MED26: variants seen among roughly 807,000 people sequenced by gnomAD.
MED26 encodes mediator complex subunit 26.
In MED26, 7 loss-of-function variants were observed where a neutral mutation model predicts 43.7. That is an observed-to-expected ratio of 0.16 (90% CI 0.09 to 0.30). The LOEUF is 0.30. Ranked by LOEUF, MED26 falls within the 10% of genes least tolerant of loss-of-function variation. The pLI is 1.00. For synonymous variants in MED26, 375 were observed against 371.1 expected (o/e 1.01, Z -0.12); for missense variants, 784 against 840.6 (o/e 0.93, Z 0.83).
At chr19:16,604,753 GCA>G (rs1279456966) in intron 1 of MED26, among the ~76,000 whole-genome samples, 2 of 152,324 alleles carry the variant, frequency 1.3e-5, no homozygotes, top group South Asian at 2.1e-4. Flanking sequence ...TTGATAAGAT[GCA>G]CAGTCACCCT....
rs911083953 is a variant in MED26, at chr19:16,576,892, G to A, written c.938C>T (p.Pro313Leu). 1.1e-5 allele frequency: 18 copies of A among 1,606,980 alleles called. No individual in the cohort carries two copies. Among genetic ancestry groups the A allele is most frequent in the African/African-American group, 2.7e-5 (2 of 74,848 alleles). ...RPQALDATQV[P>L]SPLPLAQPST... is the part of the protein sequence containing the mutation. ...CGGCTGTGCCAGTGGAAGCGGTGACGGCACCTGTGTGGCATCGAGTGCCTG... is the reference window on the plus strand; with the variant it reads ...CGGCTGTGCCAGTGGAAGCGGTGACAGCACCTGTGTGGCATCGAGTGCCTG... Residue 313 changes from proline to leucine, a missense_variant, in exon 3 of 3, where the codon CCG becomes CTG. Transcript: ENST00000263390. The surrounding 1 kb of genome is among the most constrained non-coding windows in gnomAD (Gnocchi z 6.8).
Position 16,577,410 on chromosome 19 carries a change from C to T in MED26, c.420G>A (p.Arg140=), listed in dbSNP as rs765918261. Reference sequence around the variant, plus strand: ...GCTTGCGGCTGCCCAGCCTGTCCAGCCGCTGCCCGGGCAGCCTCTGGAGGT... The same window carrying T: ...GCTTGCGGCTGCCCAGCCTGTCCAGTCGCTGCCCGGGCAGCCTCTGGAGGT... ...RNDLQRLPGQ[R]LDRLGSRKRR... is the part of the protein sequence containing the mutation. Residue 140 remains arginine, a synonymous_variant, in exon 3 of 3, where the codon CGG becomes CGA. Coordinates refer to ENST00000263390, the MANE Select transcript of MED26 (RefSeq NM_004831.5). The surrounding 1 kb of genome is among the most constrained non-coding windows in gnomAD (Gnocchi z 8.1). The T allele has an allele frequency of 1.2e-6, 2 of 1,603,028 alleles. No individual in the cohort carries two copies. Among genetic ancestry groups the T allele is most frequent in the South Asian group, 1.1e-5 (1 of 90,776 alleles).
chr19:16,605,629 T>G (rs73516936), intron 1 of MED26, among the ~76,000 whole-genome samples: 2 of 152,276 alleles, frequency 1.3e-5, no homozygotes, highest in African/African-American at 4.8e-5. Flanking sequence ...AGGAGCAGTG[T>G]TTCTGCACTG....
At chr19:16,605,077 GA>G (rs1468221755) in intron 1 of MED26, among the ~76,000 whole-genome samples, 2 of 152,152 alleles carry the variant, frequency 1.3e-5, no homozygotes, top group African/African-American at 4.8e-5. Flanking sequence ...TTAAGTTACG[GA>G]AATATTCTAC....
At chr19:16,581,852 A>C (rs1301259112) in intron 1 of MED26, among the ~76,000 whole-genome samples, 1 of 152,208 alleles carries the variant, frequency 6.6e-6, no homozygotes, top group African/African-American at 2.4e-5. Context: ...TAGGAGCCCC[A>C]AGGGAAATGC....
At chr19:16,579,975 C>T (rs1191445258) in intron 1 of MED26, among the ~76,000 whole-genome samples, 1 of 152,202 alleles carries the variant, frequency 6.6e-6, no homozygotes, top group African/African-American at 2.4e-5. Context: ...CCATCCCTTC[C>T]AGAGTGGGGA....
intron 1 of MED26, among the ~76,000 whole-genome samples, chr19:16,602,247 TCTC>T (rs2086153399): frequency 6.6e-6 from 1 of 152,180 alleles, no homozygotes; most frequent in Non-Finnish European, 1.5e-5. Context: ...ACACACAGCT[TCTC>T]CTCAAAGACA....
rs139120566 is a variant in MED26, at chr19:16,618,685, T to C, written c.72+9187A>G. 3.3e-5 allele frequency among the ~76,000 whole-genome samples: 5 copies of C among 152,338 alleles called. No individual in the cohort carries two copies. In the East Asian group the frequency reaches 5.8e-4, roughly 18 times the overall value. On this transcript the variant is annotated intron_variant, in intron 1 of 2. Transcript: ENST00000263390. ...GACATCAGTGCACATCCATGGACAC[T>C]GGATCCACTATTCTTCTCCCGTTAA...
chr19:16,591,762 C>T (rs1402901700), intron 1 of MED26, among the ~76,000 whole-genome samples: 3 of 152,242 alleles, frequency 2.0e-5, no homozygotes, highest in Admixed American at 6.5e-5. Context: ...ATCCATCCTC[C>T]TGACCTGAAA....
At chr19:16,592,244 C>T (rs1287327081) in intron 1 of MED26, among the ~76,000 whole-genome samples, 3 of 152,204 alleles carry the variant, frequency 2.0e-5, no homozygotes, top group African/African-American at 2.4e-5. Context: ...ACTGTAAACC[C>T]TGAGGGGGTG....
chr19:16,606,421 G>A (rs142273032), intron 1 of MED26, among the ~76,000 whole-genome samples: 4 of 152,206 alleles, frequency 2.6e-5, no homozygotes, highest in South Asian at 2.1e-4. Flanking sequence ...GTGTGGTGGC[G>A]CATGCCTGTA....
At chr19:16,598,576 G>C (rs1485113334) in intron 1 of MED26, among the ~76,000 whole-genome samples, 1 of 152,060 alleles carries the variant, frequency 6.6e-6, no homozygotes, top group African/African-American at 2.4e-5. Context: ...TTCCCTCCCA[G>C]CAACACAGCA....
At chr19:16,597,485 G>A in intron 1 of MED26, 1 of 398,614 alleles carries the variant, frequency 2.5e-6, no homozygotes, top group Non-Finnish European at 4.4e-6. Context: ...TTAGACAACA[G>A]AAACAACACA....
chr19:16,577,551 C>T lies in MED26; in HGVS notation c.279G>A (p.Ala93=), dbSNP rs202000537. 2.0e-4 allele frequency: 325 copies of T among 1,608,396 alleles called. 1 individual carries two copies. The East Asian group carries it at 6.5e-3, about 32-fold the overall frequency. The change falls in exon 3 of 3, where the codon GCG becomes GCA. Residue 93 remains alanine, a synonymous_variant. Transcript: ENST00000263390. The surrounding 1 kb of genome is among the most constrained non-coding windows in gnomAD (Gnocchi z 8.1). ...LIEPAHQHEA[A]LRGLAGATGS... is the part of the protein sequence containing the mutation. Reference sequence around the variant, plus strand: ...CGGTGGCCCCCGCCAGCCCCCGCAGCGCCGCCTCATGCTGGTGTGCCGGCT... The same window carrying T: ...CGGTGGCCCCCGCCAGCCCCCGCAGTGCCGCCTCATGCTGGTGTGCCGGCT...
chr19:16,586,315 T>C lies in MED26; in HGVS notation c.73-7906A>G, dbSNP rs528789231. On this transcript the variant is annotated intron_variant, in intron 1 of 2. Transcript: ENST00000263390. The surrounding 1 kb of genome is among the most constrained non-coding windows in gnomAD (Gnocchi z 5.1). ...CCAGGAAGGTAATGGAGGTCCCGGG[T>C]AGACCACACAGCTAGAAGATGGTGA... is the stretch of plus-strand genomic sequence containing the variant. Among the ~76,000 whole-genome samples the C allele has an allele frequency of 2.5e-4, 38 of 152,288 alleles. No homozygotes were observed. The highest frequency in any genetic ancestry group is 5.0e-4 in the Non-Finnish European group (34 of 68,004).
chr19:16,617,156 C>T (rs940362127), intron 1 of MED26, among the ~76,000 whole-genome samples: 1 of 152,172 alleles, frequency 6.6e-6, no homozygotes, highest in African/African-American at 2.4e-5. Flanking sequence ...GTTGGGCTGA[C>T]AGCGTGTCCA....
At chr19:16,582,957 G>A (rs1185144437) in intron 1 of MED26, among the ~76,000 whole-genome samples, 1 of 152,196 alleles carries the variant, frequency 6.6e-6, no homozygotes, top group African/African-American at 2.4e-5. Context: ...ATCCCCCTTA[G>A]CGACTGCCCC....
At chr19:16,591,504 G>A (rs1448932491) in intron 1 of MED26, among the ~76,000 whole-genome samples, 1 of 152,174 alleles carries the variant, frequency 6.6e-6, no homozygotes, top group Admixed American at 6.5e-5. Context: ...AGCTGAAGCT[G>A]GGTCACAGTG....
chr19:16,593,099 A>G (rs73516920), intron 1 of MED26, among the ~76,000 whole-genome samples: 5,609 of 152,312 alleles, frequency 0.037, 238 homozygotes, highest in Admixed American at 0.088. Flanking sequence ...ACCAGCCCAC[A>G]GCCTGCAAGG....
Sources: allele counts gnomAD v4.1 joint callset (sites outside exome capture counted in the v4.1 genomes callset), GRCh38; gene constraint gnomAD v4.1.1; non-coding constraint Gnocchi (gnomAD v3.1); transcripts MANE v1.5; gene names NCBI Gene and HGNC (gene_info 2026-07-23, HGNC 2026-07-21).